Variants in HTR5A observed in about 807,000 individuals in gnomAD.
The protein encoded by HTR5A is 5-HT-5.
In HTR5A, 21 loss-of-function variants were observed where a neutral mutation model predicts 24.3. The observed-to-expected ratio is 0.86, with a 90% CI of 0.61 to 1.24. The LOEUF (loss-of-function observed/expected upper bound fraction) is 1.24, where lower values mean the gene tolerates loss of function less well. Ranked by LOEUF, HTR5A falls within the 50% of genes most tolerant of loss-of-function variation. The pLI is 0.00. For synonymous variants in HTR5A, 260 were observed against 213.7 expected (o/e 1.22, Z -1.89); for missense variants, 497 against 489.5 (o/e 1.02, Z -0.15).
chr7:155,077,576 G>C (rs1240605218), intron 1 of HTR5A, among the ~76,000 whole-genome samples: 2 of 149,370 alleles, frequency 1.3e-5, no homozygotes, highest in African/African-American at 5.0e-5. Flanking sequence ...TCATTCTCCT[G>C]CCTCAGCCTC....
At chr7:155,074,802 A>G (rs1015213038) in intron 1 of HTR5A, 5 of 152,218 alleles carry the variant, frequency 3.3e-5, no homozygotes, top group African/African-American at 9.6e-5. Context: ...GCAGCGACCT[A>G]CACCTAGAAG....
Position 155,071,143 on chromosome 7 carries a change from A to G in HTR5A, c.244A>G (p.Met82Val). 6.2e-7 allele frequency: 1 copy of G among 1,604,658 alleles called. No individual in the cohort carries two copies. Among genetic ancestry groups the G allele is most frequent in the Non-Finnish European group, 8.5e-7 (1 of 1,179,900 alleles). Residue 82 changes from methionine to valine, a missense_variant, in exon 1 of 2, where the codon ATG becomes GTG. By Grantham distance (21) the Met-to-Val change is conservative. Coordinates refer to ENST00000287907, the MANE Select transcript of HTR5A (RefSeq NM_024012.4). ...HRVPHNLVAS[M>V]AVSDVLVAAL... Reference sequence around the variant, plus strand: ...CGTGCCCCACAACCTGGTGGCATCCATGGCCGTCTCGGATGTCCTGGTGGC... The same window carrying G: ...CGTGCCCCACAACCTGGTGGCATCCGTGGCCGTCTCGGATGTCCTGGTGGC...
intron 1 of HTR5A, among the ~76,000 whole-genome samples, chr7:155,073,919 A>ATATATATATATG (rs1795332584): frequency 1.6e-5 from 2 of 123,320 alleles, no homozygotes; most frequent in Non-Finnish European, 1.8e-5. Flanking sequence ...ATATATATGT[A>ATATATATATATG]TATATATATA....
rs1448403627 is a variant in HTR5A at position 155,084,007 on chromosome 7, A to C, written c.742-148A>C. ...TGCCTGGTTTCCATATCTGAGAGCG[A>C]GTGCCACAGGCCTTCAGGTTCCCAC... is the stretch of plus-strand genomic sequence containing the variant. On this transcript the variant is annotated intron_variant, in intron 1 of 1. Transcript: ENST00000287907. 4.8e-6 allele frequency: 3 copies of C among 624,356 alleles called. No individual in the cohort carries two copies. The East Asian group carries it at 8.3e-5, about 17-fold the overall frequency. 38.7% of individuals were successfully genotyped at this position (624,356 alleles called of 1,614,324 possible).
intron 1 of HTR5A, among the ~76,000 whole-genome samples, chr7:155,073,272 G>A (rs1210243841): frequency 7.5e-6 from 1 of 134,006 alleles, no homozygotes; most frequent in African/African-American, 2.7e-5. Flanking sequence ...AGCTAGCCGA[G>A]ATTGCGCCAC....
In HTR5A at chr7:155,086,229, C is replaced by A. The variant is rs1336895860; in HGVS notation, c.*1742C>A. Among the ~76,000 whole-genome samples the A allele has an allele frequency of 6.6e-6, 1 of 152,172 alleles. No individual in the cohort carries two copies. The highest frequency in any genetic ancestry group is 1.5e-5 in the Non-Finnish European group (1 of 68,030). ...AGTGTTTGAAAAACCTTATTAAGTA[C>A]CCCATGGCAGAGAAGAAAAATTCAG... On this transcript the variant is annotated 3_prime_UTR_variant, in exon 2 of 2. Coordinates refer to ENST00000287907, the MANE Select transcript of HTR5A (RefSeq NM_024012.4).
chr7:155,072,648 T>C (rs1795310199), intron 1 of HTR5A, among the ~76,000 whole-genome samples: 1 of 152,204 alleles, frequency 6.6e-6, no homozygotes, highest in Non-Finnish European at 1.5e-5. Flanking sequence ...CCATTTTCTG[T>C]TGTTGGCTCT....
At chr7:155,073,887 A>ATATATGTG (rs1554519624) in intron 1 of HTR5A, among the ~76,000 whole-genome samples, 22 of 124,464 alleles carry the variant, frequency 1.8e-4, no homozygotes, top group South Asian at 4.9e-4. Context: ...GTATATATAT[A>ATATATGTG]TGTATATATA....
chr7:155,073,903 A>ATATATATATATGTGTG (rs1554519642), intron 1 of HTR5A, among the ~76,000 whole-genome samples: 15,710 of 128,010 alleles, frequency 0.12, 3,076 homozygotes, highest in Middle Eastern at 0.2. Flanking sequence ...ATATATATAT[A>ATATATATATATGTGTG]TATATATATA....
At chr7:155,076,814 A>C (rs1391763400) in intron 1 of HTR5A, among the ~76,000 whole-genome samples, 1 of 152,222 alleles carries the variant, frequency 6.6e-6, no homozygotes, top group African/African-American at 2.4e-5. Flanking sequence ...GCCTAATACC[A>C]AATGTTCTGA....
At chr7:155,072,612 G>A (rs1795309956) in intron 1 of HTR5A, among the ~76,000 whole-genome samples, 1 of 152,120 alleles carries the variant, frequency 6.6e-6, no homozygotes, top group Admixed American at 6.5e-5. Context: ...CACACATTTA[G>A]GTTAGACCAG....
chr7:155,071,033 C>A lies in HTR5A; in HGVS notation c.134C>A (p.Thr45Asn), dbSNP rs932555623. 2.2e-5 allele frequency: 36 copies of A among 1,611,346 alleles called. No individual in the cohort carries two copies. Among genetic ancestry groups the A allele is most frequent in the Non-Finnish European group, 2.8e-5 (33 of 1,180,034 alleles). Reference sequence around the variant, plus strand: ...TCGGTCTTCGGAGTGCTTATTCTCACCTTGCTGGGCTTTCTGGTGGCGGCG... The same window carrying A: ...TCGGTCTTCGGAGTGCTTATTCTCAACTTGCTGGGCTTTCTGGTGGCGGCG... ...LLSVFGVLILTLLGFLVAATF... is the reference protein window; with the variant it reads ...LLSVFGVLILNLLGFLVAATF... The change falls in exon 1 of 2, where the codon ACC becomes AAC. Residue 45 changes from threonine to asparagine, a missense_variant. Physicochemically the swap from Thr to Asn is moderately conservative, Grantham distance 65. Coordinates refer to ENST00000287907, the MANE Select transcript of HTR5A (RefSeq NM_024012.4).
intron 1 of HTR5A, among the ~76,000 whole-genome samples, chr7:155,079,172 CA>C (rs1309951052): frequency 1.3e-5 from 2 of 152,126 alleles, no homozygotes; most frequent in African/African-American, 4.8e-5. Flanking sequence ...AGGCTGGTCT[CA>C]AACTCTTGAC....
At chr7:155,081,840 C>A in intron 1 of HTR5A, among the ~76,000 whole-genome samples, 1 of 152,196 alleles carries the variant, frequency 6.6e-6, no homozygotes. Flanking sequence ...CCAGGGGTAC[C>A]ATTTTAAATC....
chr7:155,084,565 C>T lies in HTR5A; in HGVS notation c.*78C>T. On this transcript the variant is annotated 3_prime_UTR_variant, in exon 2 of 2. Transcript: ENST00000287907. Reference sequence around the variant, plus strand: ...CAGTTCATCCATTTCCCATCCCCACCCAACAGCCATGTGGACGGGATGAAT... The same window carrying T: ...CAGTTCATCCATTTCCCATCCCCACTCAACAGCCATGTGGACGGGATGAAT... The T allele has an allele frequency of 8.2e-7, 1 of 1,214,760 alleles. No individual in the cohort carries two copies. Among genetic ancestry groups the T allele is most frequent in the Non-Finnish European group, 1.2e-6 (1 of 855,974 alleles). The allele number at this position is 1,214,760 out of a possible 1,614,324, so 75.2% of individuals were successfully genotyped here. A position where few individuals can be genotyped will look rare whatever the true frequency, so the allele number is the denominator to read the frequency against.
Position 155,072,039 on chromosome 7 carries a change from G to A in HTR5A, c.741+399G>A, listed in dbSNP as rs562857759. ...TAGCAGCTTCCAGCACTTAGAATGG[G>A]GGTGTTCCAGGAGGAGGGGAGGCAG... On this transcript the variant is annotated intron_variant, in intron 1 of 1. Coordinates refer to ENST00000287907, the MANE Select transcript of HTR5A (RefSeq NM_024012.4). Among the ~76,000 whole-genome samples, 9 of 152,294 alleles carry A rather than the reference G, an allele frequency of 5.9e-5. No homozygotes were observed. The South Asian group carries it at 1.9e-3, about 32-fold the overall frequency.
intron 1 of HTR5A, among the ~76,000 whole-genome samples, chr7:155,072,260 G>A (rs1461805429): frequency 1.3e-5 from 2 of 152,144 alleles, no homozygotes; most frequent in African/African-American, 2.4e-5. Flanking sequence ...CACTAGTCCC[G>A]GAGCCTGCAT....
At chr7:155,082,652 A>G (rs1795431168) in intron 1 of HTR5A, among the ~76,000 whole-genome samples, 1 of 152,224 alleles carries the variant, frequency 6.6e-6, no homozygotes, top group Non-Finnish European at 1.5e-5. Context: ...CCGTCTTGGG[A>G]CAATATGGAA....
intron 1 of HTR5A, 78 bp downstream of exon 1, chr7:155,071,718 C>T (rs1795297867): frequency 6.8e-6 from 10 of 1,464,824 alleles, no homozygotes; most frequent in African/African-American, 1.4e-5. Flanking sequence ...TGCCCCACCC[C>T]CACACTTGTA....
Sources: gnomAD v4.1 joint callset for allele counts (sites outside exome capture counted in the v4.1 genomes callset) on GRCh38, gnomAD v4.1.1 for gene constraint, MANE v1.5 for transcripts, NCBI Gene and HGNC (gene_info 2026-07-23, HGNC 2026-07-21) for gene names.